The following SFMBT2 variants were observed in gnomAD, a reference collection of about 807,000 sequenced individuals.
SFMBT2 encodes the protein scm-like with four MBT domains protein 2.
Under a neutral mutation model 110.1 loss-of-function variants are expected in SFMBT2, and 38 were observed. The ratio of observed to expected loss-of-function variants is 0.35; its 90% confidence interval spans 0.27 to 0.45. The LOEUF (loss-of-function observed/expected upper bound fraction) is 0.45, where lower values mean the gene tolerates loss of function less well. SFMBT2 is among the 20% of genes least tolerant of loss of function. The probability of loss-of-function intolerance (pLI) is 1.00; values close to 1 mark genes in which losing one functional copy is unlikely to be tolerated. For missense variants in SFMBT2, 1,011 were observed against 1,094.9 expected (o/e 0.92, Z 1.08); for synonymous variants, 425 against 425.4 (o/e 1.00, Z 0.01).
At chr10:7,189,283 T>C in intron 15 of SFMBT2, 2 of 610,354 alleles carry the variant, frequency 3.3e-6, no homozygotes, top group Non-Finnish European at 4.1e-6. Context: ...GTGAATATTT[T>C]AAAAGAGAGT....
intron 7 of SFMBT2, among the ~76,000 whole-genome samples, chr10:7,250,722 T>C (rs893990727): frequency 5.3e-5 from 8 of 152,230 alleles, no homozygotes; most frequent in Non-Finnish European, 7.3e-5. Context: ...TTCCCTGTTC[T>C]CCACAGCCTC....
At chr10:7,212,594 A>G (rs1839385322) in intron 11 of SFMBT2, among the ~76,000 whole-genome samples, 1 of 152,226 alleles carries the variant, frequency 6.6e-6, no homozygotes, top group Admixed American at 6.5e-5. Flanking sequence ...CTAAGCAATG[A>G]CTACTACGTG....
chr10:7,271,599 G>A (rs972610008), intron 7 of SFMBT2, among the ~76,000 whole-genome samples: 19 of 152,140 alleles, frequency 1.2e-4, no homozygotes, highest in Non-Finnish European at 1.5e-5. Flanking sequence ...ATTCCTTTGG[G>A]GAATCTATAT....
intron 2 of SFMBT2, among the ~76,000 whole-genome samples, chr10:7,379,636 T>G (rs1845367313): frequency 6.6e-6 from 1 of 151,910 alleles, no homozygotes; most frequent in African/African-American, 2.4e-5. Context: ...ATTAGCCACA[T>G]GGGGGTGGAG....
chr10:7,367,892 T>C lies in SFMBT2; in HGVS notation c.196-3A>G. On this transcript the variant is annotated splice_region_variant and splice_polypyrimidine_tract_variant and intron_variant, in intron 3 of 20. Transcript: ENST00000397167. The surrounding 1 kb of genome is among the most constrained non-coding windows in gnomAD (Gnocchi z 6.2). ...TTGCTCTGAATGCTGATTTCAACCT[T>C]AAGGAATCAGAAATAGAGAAAACCC... 6.2e-7 allele frequency: 1 copy of C among 1,613,748 alleles called. No individual in the cohort carries two copies. Among genetic ancestry groups the C allele is most frequent in the Non-Finnish European group, 8.5e-7 (1 of 1,179,834 alleles).
chr10:7,294,486 T>A (rs767931992), intron 4 of SFMBT2, among the ~76,000 whole-genome samples: 5 of 152,194 alleles, frequency 3.3e-5, no homozygotes, highest in Non-Finnish European at 5.9e-5. Context: ...AATACAAATA[T>A]TTCAAGAAGG....
chr10:7,313,760 G>A (rs572884210), intron 4 of SFMBT2, among the ~76,000 whole-genome samples: 16 of 152,284 alleles, frequency 1.1e-4, no homozygotes, highest in Non-Finnish European at 1.3e-4. Flanking sequence ...TGGGATTACA[G>A]GTGTGAGCCA....
chr10:7,288,102 G>C (rs1842151019), intron 4 of SFMBT2, among the ~76,000 whole-genome samples: 1 of 152,112 alleles, frequency 6.6e-6, no homozygotes, highest in South Asian at 2.1e-4. Context: ...ATGACTTCTA[G>C]ATTGAAACTT....
chr10:7,406,083 A>T (rs1846203169), intron 1 of SFMBT2, among the ~76,000 whole-genome samples: 1 of 151,964 alleles, frequency 6.6e-6, no homozygotes, highest in Non-Finnish European at 1.5e-5. Flanking sequence ...AAAAACCTTT[A>T]TGACTTCTTA....
chr10:7,231,213 A>T (rs1840105190), intron 9 of SFMBT2, among the ~76,000 whole-genome samples: 1 of 152,122 alleles, frequency 6.6e-6, no homozygotes, highest in African/African-American at 2.4e-5. Context: ...CAATGATCCC[A>T]TCTGTCTGGG....
chr10:7,269,567 CA>C (rs1326559963), intron 7 of SFMBT2, among the ~76,000 whole-genome samples: 2 of 152,146 alleles, frequency 1.3e-5, no homozygotes, highest in African/African-American at 4.8e-5. Context: ...GGCAATTTTC[CA>C]TAACAACACG....
chr10:7,337,636 T>A (rs918341739), intron 4 of SFMBT2, among the ~76,000 whole-genome samples: 29 of 152,292 alleles, frequency 1.9e-4, no homozygotes, highest in African/African-American at 6.3e-4. Context: ...AAGCCATGCT[T>A]CCTGTACATC....
chr10:7,210,391 G>A (rs931590293), intron 11 of SFMBT2, among the ~76,000 whole-genome samples: 1 of 152,332 alleles, frequency 6.6e-6, no homozygotes, highest in Middle Eastern at 3.4e-3. Context: ...AGCTTGGGGT[G>A]AGAGATGCCA....
At chr10:7,399,825 T>C (rs1846024730) in intron 1 of SFMBT2, among the ~76,000 whole-genome samples, 2 of 152,136 alleles carry the variant, frequency 1.3e-5, no homozygotes, top group South Asian at 4.1e-4. Flanking sequence ...CACTCAAGCA[T>C]GTCAGGGAAG....
At position 7,172,422 on chromosome 10, in the gene SFMBT2, G is replaced by A; in HGVS notation, c.2151+73C>T. The A allele has an allele frequency of 6.2e-7, 1 of 1,606,614 alleles. No individual in the cohort carries two copies. The highest frequency in any genetic ancestry group is 2.2e-5 in the East Asian group (1 of 44,768). Reference sequence around the variant, plus strand: ...CAATCTCCAGGGCCACCTCTGCTGTGAAGCAGCCACACTTGCCGGCCAGGG... The same window carrying A: ...CAATCTCCAGGGCCACCTCTGCTGTAAAGCAGCCACACTTGCCGGCCAGGG... On this transcript the variant is annotated intron_variant, in intron 18 of 20. Coordinates refer to ENST00000397167, the MANE Select transcript of SFMBT2 (RefSeq NM_001387889.1). The surrounding 1 kb of genome is among the most constrained non-coding windows in gnomAD (Gnocchi z 4.6).
At chr10:7,228,781 T>C (rs866038342) in intron 9 of SFMBT2, among the ~76,000 whole-genome samples, 1,183 of 110,294 alleles carry the variant, frequency 0.011, 18 homozygotes, top group Middle Eastern at 0.026. Context: ...TCTCTCTCTC[T>C]CCCCCTCCCT....
At chr10:7,343,076 C>T (rs758818221) in intron 4 of SFMBT2, among the ~76,000 whole-genome samples, 4 of 151,958 alleles carry the variant, frequency 2.6e-5, no homozygotes, top group Admixed American at 6.6e-5. Flanking sequence ...TCTATGATTC[C>T]CATCTTTATG....
At chr10:7,174,949 G>A (rs1451042163) in intron 17 of SFMBT2, among the ~76,000 whole-genome samples, 1 of 152,232 alleles carries the variant, frequency 6.6e-6, no homozygotes, top group Non-Finnish European at 1.5e-5. Flanking sequence ...GACTCTGTGT[G>A]TGTGTGTGTG....
chr10:7,259,382 C>G (rs1321734253), intron 7 of SFMBT2, among the ~76,000 whole-genome samples: 1 of 152,246 alleles, frequency 6.6e-6, no homozygotes. Context: ...CCCAGCTGCC[C>G]TCGGCTCCCT....
Sources: allele counts gnomAD v4.1 joint callset (sites outside exome capture counted in the v4.1 genomes callset), GRCh38; gene constraint gnomAD v4.1.1; non-coding constraint Gnocchi (gnomAD v3.1); transcripts MANE v1.5; gene names NCBI Gene and HGNC (gene_info 2026-07-23, HGNC 2026-07-21).